RAB43: variants seen among roughly 807,000 people sequenced by gnomAD.
The protein encoded by RAB43 is ras-related protein Rab-43.
In RAB43, 6 loss-of-function variants were observed where a neutral mutation model predicts 18.8. That is an observed-to-expected ratio of 0.32 (90% CI 0.17 to 0.63). The LOEUF (loss-of-function observed/expected upper bound fraction) is 0.63, where lower values mean the gene tolerates loss of function less well. Among genes scored for constraint, RAB43 ranks in the 30% least tolerant of loss-of-function variants. The pLI, the probability that RAB43 is intolerant of heterozygous loss-of-function variation, is 0.79. For synonymous variants in RAB43, 103 were observed against 124.1 expected, an observed-to-expected ratio of 0.83 and a Z score of 1.13; for missense variants, 195 against 289.1, an observed-to-expected ratio of 0.67 and a Z score of 2.36.
rs200896936 is a variant in RAB43, at chr3:129,094,505, CTTTTTTTTTTTTTTTT to C, written c.388+465_388+480del. 1.3e-4 allele frequency among the ~76,000 whole-genome samples: 9 copies of C among 69,150 alleles called. No individual in the cohort carries two copies. The East Asian group carries it at 1.3e-3, about 10-fold the overall frequency. 45.4% of individuals were successfully genotyped at this position (69,150 alleles called of 152,430 possible). ...TAATTCCAATTTTGAATATAACTTT[CTTTTTTTTTTTTTTTT>C]TTTTTTTTTTTTGAGACGAATCTTG... On this transcript the variant is annotated intron_variant, in intron 2 of 2. Transcript: ENST00000315150.
At chr3:129,119,924 GCAT>G (rs1935800157) in intron 1 of RAB43, among the ~76,000 whole-genome samples, 1 of 152,048 alleles carries the variant, frequency 6.6e-6, no homozygotes, top group African/African-American at 2.4e-5. Context: ...GCAGCTGCTG[GCAT>G]CATCACTGGG....
At chr3:129,119,796 GC>G (rs1935790526) in intron 1 of RAB43, among the ~76,000 whole-genome samples, 1 of 152,094 alleles carries the variant, frequency 6.6e-6, no homozygotes, top group Admixed American at 6.5e-5. Context: ...CAGGAACCCT[GC>G]CCCCTCCCTG....
rs1933935551 is a variant in RAB43 at position 129,094,911 on chromosome 3, T to C, written c.388+75A>G. Reference sequence around the variant, plus strand: ...ACTCCCTCTGAACTCAGGGTTACACTGTGTTTAAAAAGCAGAGGGAGGCAT... The same window carrying C: ...ACTCCCTCTGAACTCAGGGTTACACCGTGTTTAAAAAGCAGAGGGAGGCAT... On this transcript the variant is annotated intron_variant, in intron 2 of 2. Transcript: ENST00000315150. The C allele has an allele frequency of 5.8e-6, 9 of 1,547,146 alleles. No homozygotes were observed. In the African/African-American group the frequency reaches 9.5e-5, roughly 16 times the overall value.
intron 1 of RAB43, among the ~76,000 whole-genome samples, chr3:129,102,788 C>A (rs1006253251): frequency 1.3e-5 from 2 of 152,030 alleles, no homozygotes; most frequent in African/African-American, 4.8e-5. Flanking sequence ...TTCCCCAGAC[C>A]AGACCCCTCC....
At chr3:129,099,547 C>T (rs1005716708) in intron 1 of RAB43, among the ~76,000 whole-genome samples, 2 of 152,046 alleles carry the variant, frequency 1.3e-5, no homozygotes, top group South Asian at 2.1e-4. Flanking sequence ...CCATCACACC[C>T]GGCTAATTTT....
At chr3:129,093,929 ACT>A (rs949241149) in intron 2 of RAB43, among the ~76,000 whole-genome samples, 1 of 152,082 alleles carries the variant, frequency 6.6e-6, no homozygotes, top group Non-Finnish European at 1.5e-5. Flanking sequence ...ACTGAGTAAG[ACT>A]CTGTCTCAAA....
intron 1 of RAB43, among the ~76,000 whole-genome samples, chr3:129,109,760 T>C (rs1935029919): frequency 6.6e-6 from 1 of 151,108 alleles, no homozygotes; most frequent in Non-Finnish European, 1.5e-5. Flanking sequence ...ATAATAATAA[T>C]AATAATATTA....
At position 129,092,553 on chromosome 3, in the gene RAB43, G is replaced by A. The variant is rs1455211574; in HGVS notation, c.389-1207C>T. 4 of 694,496 alleles carry A rather than the reference G, an allele frequency of 5.8e-6. No homozygotes were observed. In the East Asian group the frequency reaches 8.2e-5, roughly 14 times the overall value. 43.0% of individuals were successfully genotyped at this position (694,496 alleles called of 1,614,324 possible). A position where few individuals can be genotyped will look rare whatever the true frequency, so the allele number is the denominator to read the frequency against. On this transcript the variant is annotated intron_variant, in intron 2 of 2. Coordinates refer to ENST00000315150, the MANE Select transcript of RAB43 (RefSeq NM_198490.3). ...AGGCAGGAGGATTGCTTGAGGCCAGGAGTTCAAGATCAGCCTGGGCAACAT... is the reference window on the plus strand; with the variant it reads ...AGGCAGGAGGATTGCTTGAGGCCAGAAGTTCAAGATCAGCCTGGGCAACAT...
chr3:129,095,133 G>A lies in RAB43; in HGVS notation c.241C>T (p.Arg81Cys), dbSNP rs754583631. 8.7e-6 allele frequency: 14 copies of A among 1,613,390 alleles called. No homozygotes were observed. Among genetic ancestry groups the A allele is most frequent in the Non-Finnish European group, 1.1e-5 (13 of 1,179,678 alleles). The change falls in exon 2 of 3, where the codon CGC becomes TGC. Residue 81 changes from arginine to cysteine, a missense_variant. Coordinates refer to ENST00000315150, the MANE Select transcript of RAB43 (RefSeq NM_198490.3). This position sits in a 1 kb window ranked among gnomAD's most constrained non-coding sequence, Gnocchi z 4.2. Reference protein sequence around the residue: ...IWDTAGQERFRTITQSYYRSA... With the variant: ...IWDTAGQERFCTITQSYYRSA... Reference sequence around the variant, plus strand: ...CGGTAGTAGCTCTGGGTGATGGTGCGGAACCGCTCCTGGCCGGCCGTGTCC... The same window carrying A: ...CGGTAGTAGCTCTGGGTGATGGTGCAGAACCGCTCCTGGCCGGCCGTGTCC...
chr3:129,090,422 C>CGTGACCCCACCTAGCT lies in RAB43; in HGVS notation c.*658_*673dup, dbSNP rs1559992247. On this transcript the variant is annotated 3_prime_UTR_variant, in exon 3 of 3. Transcript: ENST00000315150. ...AGACAGTCCCCACCTAGCTGTGGGC[C>CGTGACCCCACCTAGCT]GTGACCCCACCTAGCTGTGGGCCGT... 3 of 141,630 alleles carry CGTGACCCCACCTAGCT rather than the reference C, an allele frequency of 2.1e-5. No individual in the cohort carries two copies. The highest frequency in any genetic ancestry group is 8.0e-5 in the African/African-American group (3 of 37,732). The allele number at this position is 141,630 out of a possible 1,614,324, so 8.8% of individuals were successfully genotyped here.
At chr3:129,105,768 G>A (rs141766115) in intron 1 of RAB43, among the ~76,000 whole-genome samples, 1,838 of 142,106 alleles carry the variant, frequency 0.013, 18 homozygotes, top group Non-Finnish European at 0.02. Flanking sequence ...CAACAAGAGT[G>A]AAACTCCATC....
intron 1 of RAB43, among the ~76,000 whole-genome samples, chr3:129,099,678 G>A (rs550349492): frequency 5.9e-5 from 9 of 152,110 alleles, no homozygotes; most frequent in East Asian, 1.9e-4. Flanking sequence ...GAGCCACTGC[G>A]CCCAGCCTAA....
rs879828850 is a variant in RAB43 at position 129,108,562 on chromosome 3, T to G, written c.204+12724A>C. ...AGAGAGCAGGTACCTAAGGAATCAATGAACAAATAAACCATGCACAAGTTG... is the reference window on the plus strand; with the variant it reads ...AGAGAGCAGGTACCTAAGGAATCAAGGAACAAATAAACCATGCACAAGTTG... On this transcript the variant is annotated intron_variant, in intron 1 of 2. Coordinates refer to ENST00000315150, the MANE Select transcript of RAB43 (RefSeq NM_198490.3). 5.3e-4 allele frequency among the ~76,000 whole-genome samples: 81 copies of G among 152,188 alleles called. 1 individual carries two copies. Among genetic ancestry groups the G allele is most frequent in the Admixed American group, 4.4e-3 (68 of 15,288 alleles).
At chr3:129,097,270 C>A (rs1463335577) in intron 1 of RAB43, among the ~76,000 whole-genome samples, 3 of 152,184 alleles carry the variant, frequency 2.0e-5, no homozygotes, top group Admixed American at 6.5e-5. Flanking sequence ...ACCAGGCACA[C>A]ACACAATGGA....
At chr3:129,093,407 C>T (rs1472488009) in intron 2 of RAB43, among the ~76,000 whole-genome samples, 5 of 152,052 alleles carry the variant, frequency 3.3e-5, no homozygotes, top group African/African-American at 7.2e-5. Context: ...GTCAGGAGAT[C>T]GAGACCATCC....
chr3:129,115,580 G>A (rs1199324871), intron 1 of RAB43, among the ~76,000 whole-genome samples: 2 of 152,086 alleles, frequency 1.3e-5, no homozygotes, highest in Admixed American at 1.3e-4. Flanking sequence ...AGCACTTTGG[G>A]AGACCCAGGT....
In RAB43 at chr3:129,107,930, G is replaced by A. The variant is rs530426521; in HGVS notation, c.205-12761C>T. Among the ~76,000 whole-genome samples, 6 of 152,108 alleles carry A rather than the reference G, an allele frequency of 3.9e-5. No homozygotes were observed. Among genetic ancestry groups the A allele is most frequent in the Non-Finnish European group, 7.4e-5 (5 of 68,024 alleles). On this transcript the variant is annotated intron_variant, in intron 1 of 2. Transcript: ENST00000315150. This position sits in a 1 kb window ranked among gnomAD's most constrained non-coding sequence, Gnocchi z 4.2. Reference sequence around the variant, plus strand: ...CTCTCTAGAGCAAACCCTCCTCCCCGGGCTCCCAGGCACAGCTGGCTGTTT... The same window carrying A: ...CTCTCTAGAGCAAACCCTCCTCCCCAGGCTCCCAGGCACAGCTGGCTGTTT...
Position 129,121,360 on chromosome 3 carries a change from A to G in RAB43, c.130T>C (p.Ser44Pro), listed in dbSNP as rs1284316582. ...CCGATGGTGCTTCCCTGGCGCTCCG[A>G]GAAGGCGCCGGTCTTGAAGCGCTGC... ...VVQRFKTGAF[S>P]ERQGSTIGVD... The change falls in exon 1 of 3, where the codon TCG (serine) becomes CCG (proline). Residue 44 changes from serine to proline, a missense_variant. Transcript: ENST00000315150. 10 of 1,611,128 alleles carry G rather than the reference A, an allele frequency of 6.2e-6. No individual in the cohort carries two copies. The highest frequency in any genetic ancestry group is 8.5e-6 in the Non-Finnish European group (10 of 1,178,876).
At chr3:129,103,147 G>A (rs1315083315) in intron 1 of RAB43, among the ~76,000 whole-genome samples, 1 of 152,220 alleles carries the variant, frequency 6.6e-6, no homozygotes, top group Non-Finnish European at 1.5e-5. Flanking sequence ...TGGACTCCAG[G>A]CTGGCTGTCT....
Sources: allele counts gnomAD v4.1 joint callset (sites outside exome capture counted in the v4.1 genomes callset), GRCh38; gene constraint gnomAD v4.1.1; non-coding constraint Gnocchi (gnomAD v3.1); transcripts MANE v1.5; gene names NCBI Gene and HGNC (gene_info 2026-07-23, HGNC 2026-07-21).